CYP1A2: variants seen among roughly 807,000 people sequenced by gnomAD.
CYP1A2 encodes the protein cytochrome P450 family 1 subfamily A member 2.
In CYP1A2, 35 loss-of-function variants were observed where a neutral mutation model predicts 34.7. The ratio of observed to expected loss-of-function variants is 1.01; its 90% CI spans 0.77 to 1.34. The LOEUF is 1.34. CYP1A2 is among the 40% of genes most tolerant of loss of function. The pLI, the probability that CYP1A2 is intolerant of heterozygous loss-of-function variation, is 0.00. For synonymous variants in CYP1A2, 288 were observed against 281.9 expected (o/e 1.02, Z -0.22); for missense variants, 675 against 675.8 (o/e 1.00, Z 0.01).
chr15:74,753,353 T>A, intron 6 of CYP1A2, 83 bp downstream of exon 6: 1 of 1,133,688 alleles, frequency 8.8e-7, no homozygotes, highest in Non-Finnish European at 1.3e-6. Flanking sequence ...ACTGTTTATA[T>A]AATGAAAGGA....
chr15:74,752,542 A>G (rs1314490123), intron 5 of CYP1A2, among the ~76,000 whole-genome samples: 2 of 152,008 alleles, frequency 1.3e-5, no homozygotes, highest in East Asian at 1.9e-4. Flanking sequence ...TTGGCCTCCA[A>G]TCTTGCTAAC....
rs17861153 is a variant in CYP1A2 at position 74,749,987 on chromosome 15, G to A, written c.249G>A (p.Thr83=). ...GDVLQIRIGS[T]PVLVLSRLDT... ...TCCTGCAGATCCGCATTGGCTCCACGCCCGTGCTGGTGCTGAGCCGCCTGG... is the reference window on the plus strand; with the variant it reads ...TCCTGCAGATCCGCATTGGCTCCACACCCGTGCTGGTGCTGAGCCGCCTGG... Residue 83 remains threonine (T), a synonymous_variant, in exon 2 of 7, where the codon ACG becomes ACA. Coordinates refer to ENST00000343932, the MANE Select transcript of CYP1A2 (RefSeq NM_000761.5). The A allele has an allele frequency of 1.1e-3, 1,765 of 1,613,966 alleles. No homozygotes were observed. The highest frequency in any genetic ancestry group is 1.5e-3 in the South Asian group (139 of 91,072).
At chr15:74,752,971 G>A (rs991568795) in intron 5 of CYP1A2, among the ~76,000 whole-genome samples, 13 of 150,778 alleles carry the variant, frequency 8.6e-5, no homozygotes, top group African/African-American at 7.3e-5. Flanking sequence ...GCAGCCAGGC[G>A]CAAAGAGAAG....
chr15:74,752,340 C>G, intron 5 of CYP1A2, 93 bp downstream of exon 5: 4 of 1,542,720 alleles, frequency 2.6e-6, no homozygotes, highest in Non-Finnish European at 3.5e-6. Context: ...TCAGCATCTC[C>G]TTCCCGACCT....
chr15:74,755,264 A>G lies in CYP1A2; in HGVS notation c.*176A>G. On this transcript the variant is annotated 3_prime_UTR_variant, in exon 7 of 7. Coordinates refer to ENST00000343932, the MANE Select transcript of CYP1A2 (RefSeq NM_000761.5). The stretch of plus-strand genomic sequence containing the variant: ...AGGATCATTTGAGCCCAGGAATTGG[A>G]AAGCAGCCTGGCCAACATAGTGGGA... 2 of 761,974 alleles carry G rather than the reference A, an allele frequency of 2.6e-6. No homozygotes were observed. The highest frequency in any genetic ancestry group is 4.0e-6 in the Non-Finnish European group (2 of 495,260). 47.2% of individuals were successfully genotyped at this position (761,974 alleles called of 1,614,324 possible).
In CYP1A2 at chr15:74,749,958, GACGTC is replaced by G; in HGVS notation, c.221_225del (p.Asp74AlafsTer35). On this transcript the variant is annotated frameshift_variant, in exon 2 of 7. Transcript: ENST00000343932. LOFTEE classifies it high-confidence loss of function. ...GTCAAGGATGAGCCAGCGCTACGGG[GACGTC>G]CTGCAGATCCGCATTGGCTCCACGC... is the stretch of plus-strand genomic sequence containing the variant. 6.2e-7 allele frequency: 1 copy of G among 1,613,976 alleles called. No individual in the cohort carries two copies. Among genetic ancestry groups the G allele is most frequent in the Non-Finnish European group, 8.5e-7 (1 of 1,179,898 alleles).
chr15:74,751,744 A>G (rs1034842416), intron 3 of CYP1A2, 21 bp from the exon 4 acceptor site: 11 of 1,603,202 alleles, frequency 6.9e-6, no homozygotes, highest in Non-Finnish European at 9.4e-6. Context: ...TTCTTTCCTC[A>G]CCTTACACTA....
At position 74,750,304 on chromosome 15, in the gene CYP1A2, A is replaced by G. The variant is rs2063308252; in HGVS notation, c.566A>G (p.Tyr189Cys). ...LMAGPGHFDP[Y>C]NQVVVSVANV... ...GCAGGGCCTGGGCACTTCGACCCTT[A>G]CAATCAGGTGGTGGTGTCAGTGGCC... Residue 189 changes from tyrosine to cysteine, a missense_variant, in exon 2 of 7, where the codon TAC (tyrosine) becomes TGC (cysteine). Physicochemically the swap from Tyr to Cys is radical, Grantham distance 194. Coordinates refer to ENST00000343932, the MANE Select transcript of CYP1A2 (RefSeq NM_000761.5). 1 of 1,613,652 alleles carries G rather than the reference A, an allele frequency of 6.2e-7. No homozygotes were observed. The highest frequency in any genetic ancestry group is 8.5e-7 in the Non-Finnish European group (1 of 1,179,898).
intron 6 of CYP1A2, among the ~76,000 whole-genome samples, chr15:74,754,508 T>G (rs1596359157): frequency 1.5e-5 from 2 of 137,484 alleles, no homozygotes; most frequent in South Asian, 2.3e-4. Flanking sequence ...CTCAGGTGGG[T>G]GGTTGGCTTG....
chr15:74,752,347 A>T (rs2063320183), intron 5 of CYP1A2, 100 bp downstream of exon 5: 2 of 1,519,182 alleles, frequency 1.3e-6, no homozygotes, highest in Non-Finnish European at 1.8e-6. Context: ...CTCCTTCCCG[A>T]CCTCGTTCCC....
In CYP1A2 at chr15:74,755,180, T is replaced by C. The variant is rs2063332802; in HGVS notation, c.*92T>C. On this transcript the variant is annotated 3_prime_UTR_variant, in exon 7 of 7. Transcript: ENST00000343932. The stretch of plus-strand genomic sequence containing the variant: ...TCTCTTCCTTTCTTTTTTTAAAAAA[T>C]AGCAGCTTTAGCCAAGTGCAGGGCC... 7.1e-7 allele frequency: 1 copy of C among 1,405,996 alleles called. No individual in the cohort carries two copies. Among genetic ancestry groups the C allele is most frequent in the Non-Finnish European group, 9.5e-7 (1 of 1,048,006 alleles). The allele number at this position is 1,405,996 out of a possible 1,614,324, so 87.1% of individuals were successfully genotyped here.
chr15:74,754,723 C>T, intron 6 of CYP1A2, 68 bp from the exon 7 acceptor site: 1 of 1,519,086 alleles, frequency 6.6e-7, no homozygotes, highest in Non-Finnish European at 9.0e-7. Flanking sequence ...AGAAGTCTCC[C>T]TCCCCCAGGC....
chr15:74,753,133 A>G (rs760798316), intron 5 of CYP1A2, 51 bp from the exon 6 acceptor site: 1 of 1,485,202 alleles, frequency 6.7e-7, no homozygotes, highest in Admixed American at 1.7e-5. Flanking sequence ...GGAGCAACAC[A>G]TGCCCCAGCT....
At position 74,753,270 on chromosome 15, in the gene CYP1A2, C is replaced by G; in HGVS notation, c.1253C>G (p.Pro418Arg). 1 of 1,613,096 alleles carries G rather than the reference C, an allele frequency of 6.2e-7. No individual in the cohort carries two copies. The highest frequency in any genetic ancestry group is 8.5e-7 in the Non-Finnish European group (1 of 1,179,256). Residue 418 changes from proline to arginine, a missense_variant and splice_region_variant, in exon 6 of 7, where the codon CCA (proline) becomes CGA (arginine). Transcript: ENST00000343932. Reference protein sequence around the residue: ...FVNQWQVNHDPELWEDPSEFR... With the variant: ...FVNQWQVNHDRELWEDPSEFR... ...AACCAGTGGCAGGTCAACCATGACC[C>G]GTGAGTACATACCCCTCACGAAAAA...
Position 74,749,768 on chromosome 15 carries a change from G to A in CYP1A2, c.30G>A (p.Ser10=), listed in dbSNP as rs781571873. The A allele has an allele frequency of 3.1e-5, 48 of 1,547,428 alleles. No homozygotes were observed. Among genetic ancestry groups the A allele is most frequent in the Admixed American group, 2.3e-4 (12 of 52,040 alleles). ...CATTGTCCCAGTCTGTTCCCTTCTCGGCCACAGAGCTTCTCCTGGCCTCTG... is the reference window on the plus strand; with the variant it reads ...CATTGTCCCAGTCTGTTCCCTTCTCAGCCACAGAGCTTCTCCTGGCCTCTG... The part of the protein sequence containing the change: MALSQSVPF[S]ATELLLASAI... Residue 10 remains serine (S), a synonymous_variant, in exon 2 of 7, where the codon TCG becomes TCA. Transcript: ENST00000343932.
chr15:74,754,503 G>A (rs1400389583), intron 6 of CYP1A2, among the ~76,000 whole-genome samples: 1 of 151,498 alleles, frequency 6.6e-6, no homozygotes, highest in Non-Finnish European at 1.5e-5. Context: ...GGAGGCTCAG[G>A]TGGGTGGTTG....
chr15:74,749,502 G>A (rs1364374298), intron 1 of CYP1A2, among the ~76,000 whole-genome samples: 6 of 152,162 alleles, frequency 3.9e-5, no homozygotes, highest in African/African-American at 1.2e-4. Flanking sequence ...GAGAGCCAGC[G>A]TTCATGTTGG....
At position 74,755,113 on chromosome 15, in the gene CYP1A2, A is replaced by T; in HGVS notation, c.*25A>T. The T allele has an allele frequency of 6.3e-7, 1 of 1,588,878 alleles. No individual in the cohort carries two copies. Among genetic ancestry groups the T allele is most frequent in the Non-Finnish European group, 8.6e-7 (1 of 1,166,598 alleles). On this transcript the variant is annotated 3_prime_UTR_variant, in exon 7 of 7. Transcript: ENST00000343932. The stretch of plus-strand genomic sequence containing the variant: ...AAGAAGACACCACCATTCTGAGGCC[A>T]GGGAGCGAGTGGGGGCCAGCCACGG...
chr15:74,754,613 A>C (rs574960776), intron 6 of CYP1A2, among the ~76,000 whole-genome samples, 178 bp from the exon 7 acceptor site: 2 of 151,656 alleles, frequency 1.3e-5, no homozygotes, highest in Non-Finnish European at 2.9e-5. Flanking sequence ...AAAAAAAAAA[A>C]AGAAAGAAAA....
Sources: gnomAD v4.1 joint callset for allele counts (sites outside exome capture counted in the v4.1 genomes callset) on GRCh38, gnomAD v4.1.1 for gene constraint, MANE v1.5 for transcripts, NCBI Gene and HGNC (gene_info 2026-07-23, HGNC 2026-07-21) for gene names.